DLGAP2: variants seen among roughly 807,000 people sequenced by gnomAD.
DLGAP2 encodes disks large-associated protein 2.
Under a neutral mutation model 100.3 loss-of-function variants are expected in DLGAP2, and 26 were observed. The observed-to-expected ratio is 0.26, with a 90% confidence interval of 0.19 to 0.36. The LOEUF (loss-of-function observed/expected upper bound fraction) is 0.36. Ranked by LOEUF, DLGAP2 falls within the 10% of genes least tolerant of loss-of-function variation. The probability of loss-of-function intolerance (pLI) is 1.00; values close to 1 mark genes in which losing one functional copy is unlikely to be tolerated. For missense variants in DLGAP2, 1,858 were observed against 1,453.2 expected (o/e 1.28, Z -4.53); for synonymous variants, 886 against 630.1 (o/e 1.41, Z -6.08).
Position 1,229,100 on chromosome 8 carries a change from G to C in DLGAP2, c.74-29751G>C, listed in dbSNP as rs150206787. Among the ~76,000 whole-genome samples, 12 of 152,004 alleles carry C rather than the reference G, an allele frequency of 7.9e-5. No individual in the cohort carries two copies. The East Asian group carries it at 1.3e-3, about 17-fold the overall frequency. ...ATTGTAGGATACAAAATCAGCATAC[G>C]AAACTCAATTGCATGCATGTATACT... is the stretch of plus-strand genomic sequence containing the variant. On this transcript the variant is annotated intron_variant, in intron 2 of 14. Coordinates refer to ENST00000637795, the MANE Select transcript of DLGAP2 (RefSeq NM_001346810.2).
chr8:1,455,119 T>C (rs751912732), intron 3 of DLGAP2, among the ~76,000 whole-genome samples: 1 of 152,240 alleles, frequency 6.6e-6, no homozygotes, highest in Non-Finnish European at 1.5e-5. Flanking sequence ...AGCAATGTAA[T>C]GAGCTCATGG....
intron 2 of DLGAP2, among the ~76,000 whole-genome samples, chr8:1,189,194 G>T (rs915877912): frequency 6.6e-6 from 1 of 150,814 alleles, no homozygotes; most frequent in African/African-American, 2.5e-5. Context: ...GGTTGGGGTT[G>T]ACCTTACACA....
intron 1 of DLGAP2, among the ~76,000 whole-genome samples, chr8:820,263 T>G (rs1796559433): frequency 6.6e-6 from 1 of 152,202 alleles, no homozygotes; most frequent in African/African-American, 2.4e-5. Flanking sequence ...AACAGAAAAT[T>G]TAGTACAATA....
chr8:791,042 C>A (rs1231269556), intron 1 of DLGAP2, among the ~76,000 whole-genome samples: 1 of 152,234 alleles, frequency 6.6e-6, no homozygotes, highest in Admixed American at 6.5e-5. Flanking sequence ...CACGCCCGGA[C>A]CAACATGCAT....
intron 2 of DLGAP2, among the ~76,000 whole-genome samples, chr8:1,040,412 GTGTGCGTGGTCGGCTCAA>G (rs1368062322): frequency 1.1e-4 from 17 of 148,308 alleles, no homozygotes; most frequent in South Asian, 2.2e-4. Flanking sequence ...GGTCGGCTCG[GTGTGCGTGGTCGGCTCAA>G]TGTGCGTGGT....
Position 1,549,459 on chromosome 8 carries a change from G to A in DLGAP2, c.1006G>A (p.Gly336Arg), listed in dbSNP as rs371264718. Residue 336 changes from glycine to arginine, a missense_variant, in exon 5 of 15, where the codon GGG becomes AGG. Transcript: ENST00000637795. ...CYPDALQSPF[G>R]DLSLKTSKSN... The stretch of plus-strand genomic sequence containing the variant: ...CCCCGACGCGCTGCAGAGCCCCTTC[G>A]GGGACCTGTCCCTCAAGACCTCCAA... 9.3e-6 allele frequency: 15 copies of A among 1,613,296 alleles called. No individual in the cohort carries two copies. The African/African-American group carries it at 1.1e-4, about 11-fold the overall frequency.
At position 1,033,293 on chromosome 8, in the gene DLGAP2, T is replaced by A. The variant is rs1271816486; in HGVS notation, c.73+125327T>A. ...TGATCTTAAAATCCTCTTATACAAC[T>A]TGCTTCTCTTAGAAAACACAAGAGC... On this transcript the variant is annotated intron_variant, in intron 2 of 14. Coordinates refer to ENST00000637795, the MANE Select transcript of DLGAP2 (RefSeq NM_001346810.2). Among the ~76,000 whole-genome samples the A allele has an allele frequency of 2.0e-5, 3 of 152,122 alleles. No individual in the cohort carries two copies. The East Asian group carries it at 5.8e-4, about 29-fold the overall frequency.
intron 4 of DLGAP2, among the ~76,000 whole-genome samples, chr8:1,505,888 G>C (rs1035464679): frequency 2.0e-5 from 3 of 152,110 alleles, no homozygotes; most frequent in Admixed American, 2.0e-4. Context: ...TATGAAGAGT[G>C]CTATATTGAC....
intron 2 of DLGAP2, among the ~76,000 whole-genome samples, chr8:1,223,418 G>C (rs1203331237): frequency 6.6e-6 from 1 of 152,180 alleles, no homozygotes; most frequent in Admixed American, 6.5e-5. Context: ...CTACTGTTCA[G>C]GGTGGGGAGA....
At chr8:1,336,615 C>T (rs552709681) in intron 3 of DLGAP2, among the ~76,000 whole-genome samples, 2 of 152,206 alleles carry the variant, frequency 1.3e-5, no homozygotes, top group Non-Finnish European at 2.9e-5. Flanking sequence ...ACACCAGCAG[C>T]CTCTGTGGCT....
At chr8:1,253,636 G>C (rs1229133756) in intron 2 of DLGAP2, among the ~76,000 whole-genome samples, 3 of 126,676 alleles carry the variant, frequency 2.4e-5, no homozygotes, top group African/African-American at 8.9e-5. Context: ...GAATGAGCCG[G>C]TTCTCAGCGG....
Position 1,701,557 on chromosome 8 carries a change from G to T in DLGAP2, c.*151G>T. 4.8e-6 allele frequency: 4 copies of T among 834,834 alleles called. No individual in the cohort carries two copies. Among genetic ancestry groups the T allele is most frequent in the Non-Finnish European group, 7.2e-6 (4 of 554,312 alleles). 51.7% of individuals were successfully genotyped at this position (834,834 alleles called of 1,614,324 possible). A position where few individuals can be genotyped will look rare whatever the true frequency, so the allele number is the denominator to read the frequency against. Reference sequence around the variant, plus strand: ...GCCCCGGACACAGCGGGACGCGGCCGGCGGCCTCAGAGTCCACGGAGCTCG... The same window carrying T: ...GCCCCGGACACAGCGGGACGCGGCCTGCGGCCTCAGAGTCCACGGAGCTCG... On this transcript the variant is annotated 3_prime_UTR_variant, in exon 15 of 15. Coordinates refer to ENST00000637795, the MANE Select transcript of DLGAP2 (RefSeq NM_001346810.2).
rs573180567 is a variant in DLGAP2 at position 982,276 on chromosome 8, C to T, written c.73+74310C>T. ...CGTTAATGGATGAATGCACATGAAC[C>T]CTTGGAACCATGCCTCAGCAGGCAC... is the stretch of plus-strand genomic sequence containing the variant. On this transcript the variant is annotated intron_variant, in intron 2 of 14. Coordinates refer to ENST00000637795, the MANE Select transcript of DLGAP2 (RefSeq NM_001346810.2). Among the ~76,000 whole-genome samples, 5 of 152,338 alleles carry T rather than the reference C, an allele frequency of 3.3e-5. No individual in the cohort carries two copies. In the South Asian group the frequency reaches 1.0e-3, roughly 32 times the overall value.
intron 2 of DLGAP2, among the ~76,000 whole-genome samples, chr8:1,058,357 C>T (rs745656623): frequency 4.7e-4 from 72 of 152,206 alleles, no homozygotes; most frequent in African/African-American, 1.6e-3. Flanking sequence ...ACGGCTCCGA[C>T]GGGCGACCTG....
intron 2 of DLGAP2, among the ~76,000 whole-genome samples, chr8:996,025 C>A (rs997866624): frequency 6.6e-6 from 1 of 152,134 alleles, no homozygotes; most frequent in Non-Finnish European, 1.5e-5. Flanking sequence ...AAGGCAAGGC[C>A]ATTGTCAGTT....
At chr8:988,691 A>C (rs1280780374) in intron 2 of DLGAP2, among the ~76,000 whole-genome samples, 1 of 151,594 alleles carries the variant, frequency 6.6e-6, no homozygotes, top group East Asian at 1.9e-4. Context: ...CTTCCATCTG[A>C]TGTGTTCCCT....
rs369751921 is a variant in DLGAP2 at position 857,311 on chromosome 8, A to G, written c.19-50601A>G. Among the ~76,000 whole-genome samples, 23 of 152,364 alleles carry G rather than the reference A, an allele frequency of 1.5e-4. No homozygotes were observed. In the Middle Eastern group the frequency reaches 0.01, roughly 68 times the overall value. ...ACTTTTTAGATATAACACCAAATGC[A>G]TGATGCATGAGAAAAATTGAAATTG... is the stretch of plus-strand genomic sequence containing the variant. On this transcript the variant is annotated intron_variant, in intron 1 of 14. Transcript: ENST00000637795.
chr8:1,379,187 C>T (rs1004496756), intron 3 of DLGAP2, among the ~76,000 whole-genome samples: 3 of 152,266 alleles, frequency 2.0e-5, no homozygotes, highest in Non-Finnish European at 2.9e-5. Flanking sequence ...CGGGGCCACC[C>T]GCTGCCATCA....
At chr8:1,523,541 C>T (rs1454524203) in intron 4 of DLGAP2, among the ~76,000 whole-genome samples, 11 of 152,210 alleles carry the variant, frequency 7.2e-5, no homozygotes, top group Admixed American at 7.2e-4. Context: ...TGCCCCAGGC[C>T]GGCACCGCAC....
Sources: gnomAD v4.1 joint callset for allele counts (sites outside exome capture counted in the v4.1 genomes callset) on GRCh38, gnomAD v4.1.1 for gene constraint, MANE v1.5 for transcripts, NCBI Gene and HGNC (gene_info 2026-07-23, HGNC 2026-07-21) for gene names.